The following SLC4A4 variants were observed in gnomAD, a reference collection of about 807,000 sequenced individuals.
The protein encoded by SLC4A4 is electrogenic sodium bicarbonate cotransporter 1.
Under a neutral mutation model 111.5 loss-of-function variants are expected in SLC4A4, and 27 were observed. The ratio of observed to expected loss-of-function variants is 0.24; its 90% CI spans 0.18 to 0.33. The LOEUF (loss-of-function observed/expected upper bound fraction) is 0.33, where lower values mean the gene tolerates loss of function less well. Ranked by LOEUF, SLC4A4 falls within the 10% of genes least tolerant of loss-of-function variation. SLC4A4 has a pLI of 1.00. For missense variants in SLC4A4, 909 were observed against 1,315.5 expected (o/e 0.69, Z 4.78); for synonymous variants, 443 against 463.4 (o/e 0.96, Z 0.57).
rs138984836 is a variant in SLC4A4 at position 71,397,209 on chromosome 4, C to G, written c.731-368C>G. Among the ~76,000 whole-genome samples, 95 of 152,052 alleles carry G rather than the reference C, an allele frequency of 6.2e-4. 1 individual carries two copies. In the East Asian group the frequency reaches 0.015, roughly 24 times the overall value. The stretch of plus-strand genomic sequence containing the variant: ...GGAAACAGCCGCTCTCTGCAGGCAA[C>G]AGGAAAAGGAAAGGAAACCAGATAG... On this transcript the variant is annotated intron_variant, in intron 6 of 25. Transcript: ENST00000264485.
intron 6 of SLC4A4, among the ~76,000 whole-genome samples, chr4:71,393,684 C>CA (rs1201629651): frequency 1.3e-4 from 19 of 151,342 alleles, no homozygotes; most frequent in South Asian, 6.3e-4. Context: ...CATATGGGAC[C>CA]AAAAAAAAGC....
upstream of SLC4A4, among the ~76,000 whole-genome samples, chr4:71,184,259 A>G (rs1047336777): frequency 1.3e-5 from 2 of 152,216 alleles, no homozygotes; most frequent in African/African-American, 2.4e-5. Context: ...ATTCTACTAC[A>G]TACAACTTCT....
chr4:71,554,330 T>G (rs1300507568), intron 20 of SLC4A4, among the ~76,000 whole-genome samples: 1 of 151,870 alleles, frequency 6.6e-6, no homozygotes, highest in Non-Finnish European at 1.5e-5. Flanking sequence ...GAGAACCTTT[T>G]GTTTTTCAAA....
chr4:71,567,661 A>C (rs938950495), intron 25 of SLC4A4, 127 bp from the exon 26 acceptor site: 3 of 514,908 alleles, frequency 5.8e-6, no homozygotes, highest in Non-Finnish European at 1.0e-5. Context: ...TTAATACACA[A>C]AGAGAATATA....
chr4:71,145,469 G>A (rs1275067002), intron 2 of SLC4A4, among the ~76,000 whole-genome samples: 3 of 152,224 alleles, frequency 2.0e-5, no homozygotes, highest in Non-Finnish European at 4.4e-5. Flanking sequence ...CATAAAATGA[G>A]TTAGGGAGGA....
chr4:71,495,585 T>C (rs1279118218), intron 15 of SLC4A4, among the ~76,000 whole-genome samples: 1 of 152,128 alleles, frequency 6.6e-6, no homozygotes, highest in Non-Finnish European at 1.5e-5. Context: ...TATTGACTTA[T>C]GTAAGCACTT....
At chr4:71,202,274 C>T (rs746207869) in intron 1 of SLC4A4, among the ~76,000 whole-genome samples, 2 of 152,198 alleles carry the variant, frequency 1.3e-5, no homozygotes, top group Non-Finnish European at 2.9e-5. Flanking sequence ...AAGTAATGTT[C>T]TCATGGAGAT....
chr4:71,367,144 T>A (rs1424930618), intron 6 of SLC4A4, among the ~76,000 whole-genome samples: 1 of 152,142 alleles, frequency 6.6e-6, no homozygotes, highest in Non-Finnish European at 1.5e-5. Flanking sequence ...TTCCCAACAA[T>A]ACACTGACAG....
At chr4:71,204,083 G>A (rs1015453005) in intron 1 of SLC4A4, among the ~76,000 whole-genome samples, 1 of 152,174 alleles carries the variant, frequency 6.6e-6, no homozygotes, top group Non-Finnish European at 1.5e-5. Context: ...AGGAGAGGAA[G>A]ATTCCATGCG....
At chr4:71,371,357 C>T (rs1285950933) in intron 6 of SLC4A4, among the ~76,000 whole-genome samples, 1 of 151,204 alleles carries the variant, frequency 6.6e-6, no homozygotes, top group Non-Finnish European at 1.5e-5. Flanking sequence ...AATTCTCCTG[C>T]CTCAGCCTCC....
At chr4:71,235,710 T>C (rs1243413014) in intron 1 of SLC4A4, among the ~76,000 whole-genome samples, 1 of 152,250 alleles carries the variant, frequency 6.6e-6, no homozygotes, top group Non-Finnish European at 1.5e-5. Context: ...CTAAAAACGC[T>C]GTCATTCCTT....
At chr4:71,072,612 C>A (rs1006858764) in intron 1 of SLC4A4, among the ~76,000 whole-genome samples, 1 of 151,632 alleles carries the variant, frequency 6.6e-6, no homozygotes, top group Non-Finnish European at 1.5e-5. Flanking sequence ...ATTTTTCTAA[C>A]AAAAATTATG....
chr4:71,384,357 A>C (rs903102998), intron 6 of SLC4A4, among the ~76,000 whole-genome samples: 1 of 152,194 alleles, frequency 6.6e-6, no homozygotes, highest in African/African-American at 2.4e-5. Flanking sequence ...TTATGGGTCC[A>C]GAGGTGTTTG....
chr4:71,507,183 A>G (rs1731494446), intron 16 of SLC4A4, among the ~76,000 whole-genome samples: 1 of 152,134 alleles, frequency 6.6e-6, no homozygotes. Context: ...GCGACCACAT[A>G]AACAAGTCTG....
chr4:71,550,916 G>C (rs1048937721), intron 20 of SLC4A4, among the ~76,000 whole-genome samples: 2 of 151,856 alleles, frequency 1.3e-5, no homozygotes, highest in Admixed American at 6.6e-5. Flanking sequence ...AAGTTCACGA[G>C]GATACCCCTT....
chr4:71,462,610 T>C (rs780901475), intron 12 of SLC4A4, among the ~76,000 whole-genome samples: 7 of 151,978 alleles, frequency 4.6e-5, no homozygotes, highest in Non-Finnish European at 1.0e-4. Context: ...AGTTTCTCCA[T>C]GTTGGCCAGG....
intron 1 of SLC4A4, among the ~76,000 whole-genome samples, chr4:71,070,406 G>C (rs182859045): frequency 6.6e-6 from 1 of 152,248 alleles, no homozygotes; most frequent in Non-Finnish European, 1.5e-5. Flanking sequence ...TGGGAAAGGG[G>C]ATATTGTGAC....
In SLC4A4 at chr4:71,350,353, T is replaced by C. The variant is rs76348974; in HGVS notation, c.550+281T>C. Among the ~76,000 whole-genome samples the C allele has an allele frequency of 7.9e-3, 1,200 of 151,998 alleles. 15 individuals carry two copies. The highest frequency in any genetic ancestry group is 0.026 in the African/African-American group (1,062 of 41,496). ...TTTGCTTCTCAATCCTTTCCCTATG[T>C]TTTTGATTTTTTTTATTTTATTTTA... On this transcript the variant is annotated intron_variant, in intron 5 of 25. Coordinates refer to ENST00000264485, the MANE Select transcript of SLC4A4 (RefSeq NM_001098484.3).
At chr4:71,390,581 AAGT>A (rs1178276743) in intron 6 of SLC4A4, among the ~76,000 whole-genome samples, 1 of 152,160 alleles carries the variant, frequency 6.6e-6, no homozygotes, top group Non-Finnish European at 1.5e-5. Flanking sequence ...GAAAATGAGA[AAGT>A]AGAGTAATAC....
Sources: allele counts gnomAD v4.1 joint callset (sites outside exome capture counted in the v4.1 genomes callset), GRCh38; gene constraint gnomAD v4.1.1; transcripts MANE v1.5; gene names NCBI Gene and HGNC (gene_info 2026-07-23, HGNC 2026-07-21).